Variants in EP300 observed in about 807,000 individuals in gnomAD.
EP300 encodes histone acetyltransferase p300.
In EP300, 31 loss-of-function variants were observed where a neutral mutation model predicts 264.0. That is an observed-to-expected ratio of 0.12 (90% CI 0.09 to 0.16). The LOEUF (loss-of-function observed/expected upper bound fraction) is 0.16, where lower values mean the gene tolerates loss of function less well. Ranked by LOEUF, EP300 falls within the 10% of genes least tolerant of loss-of-function variation. The pLI is 1.00. For synonymous variants in EP300, 1,340 were observed against 1,045.4 expected, an observed-to-expected ratio of 1.28 and a Z score of -5.44; for missense variants, 2,766 against 3,052.9, an observed-to-expected ratio of 0.91 and a Z score of 2.21.
At chr22:41,131,164 C>A (rs373277309) in intron 5 of EP300, among the ~76,000 whole-genome samples, 101 of 152,212 alleles carry the variant, frequency 6.6e-4, no homozygotes, top group Non-Finnish European at 1.1e-3. Context: ...TTTGGGAAGG[C>A]TATTGGGCAT....
chr22:41,102,029 CTT>C (rs5845488), intron 1 of EP300, among the ~76,000 whole-genome samples: 17 of 119,218 alleles, frequency 1.4e-4, no homozygotes, highest in African/African-American at 2.2e-4. Context: ...TTTTTCTTTT[CTT>C]TTTTTTTTTT....
rs150294103 is a variant in EP300 at position 41,151,937 on chromosome 22, G to A, written c.2922G>A (p.Gln974=). 8.1e-6 allele frequency: 13 copies of A among 1,614,130 alleles called. No individual in the cohort carries two copies. Among genetic ancestry groups the A allele is most frequent in the Non-Finnish European group, 1.1e-5 (13 of 1,180,034 alleles). ...SQAIAEKQPS[Q]EVKMEAKMEV... ...CCATTGCTGAGAAGCAGCCTTCCCA[G>A]GAAGTGAAGATGGAGGCCAAAATGG... Residue 974 remains glutamine, a synonymous_variant, in exon 15 of 31, where the codon CAG becomes CAA. Transcript: ENST00000263253.
At chr22:41,158,380 CTG>C in intron 18 of EP300, 30 bp from the exon 19 acceptor site, 1 of 1,600,050 alleles carries the variant, frequency 6.2e-7, no homozygotes, top group South Asian at 1.1e-5. Context: ...CTTAAGGCCT[CTG>C]TGCTTTTTAA....
Position 41,117,284 on chromosome 22 carries a change from T to C in EP300, c.192T>C (p.Leu64=). 2 of 1,614,206 alleles carry C rather than the reference T, an allele frequency of 1.2e-6. No homozygotes were observed. The highest frequency in any genetic ancestry group is 2.2e-5 in the South Asian group (2 of 91,088). The part of the protein sequence containing the change: ...GLTNGGDINQ[L]QTSLGMVQDA... ...CCAATGGTGGTGATATTAATCAGCT[T>C]CAGACAAGTCTTGGCATGGTACAAG... Residue 64 remains leucine, a synonymous_variant, in exon 2 of 31, where the codon CTT becomes CTC. Transcript: ENST00000263253.
chr22:41,093,305 A>T (rs1364397662), intron 1 of EP300, among the ~76,000 whole-genome samples: 2 of 152,122 alleles, frequency 1.3e-5, no homozygotes, highest in Non-Finnish European at 2.9e-5. Context: ...ACACTATGTC[A>T]TATCGGTGTG....
chr22:41,141,890 T>G (rs576590631), intron 10 of EP300, among the ~76,000 whole-genome samples: 1 of 152,268 alleles, frequency 6.6e-6, no homozygotes, highest in South Asian at 2.1e-4. Context: ...TTGGCCTAGC[T>G]GATCTCAAAC....
intron 18 of EP300, 104 bp downstream of exon 18, chr22:41,157,512 CTTTTTTT>C (rs1214250106): frequency 2.5e-5 from 11 of 443,690 alleles, no homozygotes; most frequent in Admixed American, 1.3e-4. Context: ...TTTGACATGG[CTTTTTTT>C]TTTTTTTTTT....
chr22:41,105,539 T>C (rs2058754104), intron 1 of EP300, among the ~76,000 whole-genome samples: 1 of 151,518 alleles, frequency 6.6e-6, no homozygotes, highest in South Asian at 2.1e-4. Flanking sequence ...GCTGGGACTA[T>C]AGGCACATGC....
chr22:41,127,395 T>C, intron 3 of EP300, 92 bp from the exon 4 acceptor site: 1 of 1,553,262 alleles, frequency 6.4e-7, no homozygotes, highest in Non-Finnish European at 8.8e-7. Flanking sequence ...AGACTAACCA[T>C]AAAGGTTTTC....
Position 41,158,506 on chromosome 22 carries a change from C to G in EP300, c.3590+6C>G, listed in dbSNP as rs2145749830. 1 of 1,613,404 alleles carries G rather than the reference C, an allele frequency of 6.2e-7. No individual in the cohort carries two copies. Among genetic ancestry groups the G allele is most frequent in the Non-Finnish European group, 8.5e-7 (1 of 1,179,486 alleles). On this transcript the variant is annotated splice_donor_region_variant and intron_variant, in intron 19 of 30. Coordinates refer to ENST00000263253, the MANE Select transcript of EP300 (RefSeq NM_001429.4). ...TATTACAGTTACCAGAACAGGTAAG[C>G]TTGGCCAGGTGTGGACCATGGTCCA...
rs1465166962 is a variant in EP300, at chr22:41,149,036, A to G, written c.2242-2A>G. The G allele has an allele frequency of 1.3e-6, 2 of 1,598,720 alleles. No individual in the cohort carries two copies. The highest frequency in any genetic ancestry group is 1.7e-6 in the Non-Finnish European group (2 of 1,175,646). ...GTGATTTGTGTTTTTTTTTTTTTTC[A>G]GCCTATGGGCTATGGGCCTCGTATG... On this transcript the variant is annotated splice_acceptor_variant, in intron 12 of 30. Coordinates refer to ENST00000263253, the MANE Select transcript of EP300 (RefSeq NM_001429.4). LOFTEE classifies it high-confidence loss of function.
intron 8 of EP300, among the ~76,000 whole-genome samples, chr22:41,138,713 C>G (rs563488767): frequency 1.3e-5 from 2 of 152,250 alleles, no homozygotes; most frequent in African/African-American, 4.8e-5. Context: ...AGAGTTTACC[C>G]TTCAAACACC....
rs781054865 is a variant in EP300 at position 41,177,404 on chromosome 22, A to G, written c.5693A>G (p.Gln1898Arg). The G allele has an allele frequency of 6.2e-7, 1 of 1,614,110 alleles. No homozygotes were observed. Among genetic ancestry groups the G allele is most frequent in the African/African-American group, 1.3e-5 (1 of 75,018 alleles). ...PRTQAAGPVS[Q>R]GKAAGQVTPP... ...ACTCAAGCTGCTGGCCCTGTGTCCCAGGGTAAGGCAGCAGGCCAGGTGACC... is the reference window on the plus strand; with the variant it reads ...ACTCAAGCTGCTGGCCCTGTGTCCCGGGGTAAGGCAGCAGGCCAGGTGACC... Residue 1898 changes from glutamine to arginine, a missense_variant, in exon 31 of 31, where the codon CAG (glutamine) becomes CGG (arginine). Coordinates refer to ENST00000263253, the MANE Select transcript of EP300 (RefSeq NM_001429.4).
At chr22:41,174,310 C>T (rs1469106045) in intron 29 of EP300, among the ~76,000 whole-genome samples, 1 of 152,086 alleles carries the variant, frequency 6.6e-6, no homozygotes, top group Non-Finnish European at 1.5e-5. Context: ...GTGGCACACA[C>T]CTGTAATCCT....
At position 41,178,228 on chromosome 22, in the gene EP300, A is replaced by G. The variant is rs2059214744; in HGVS notation, c.6517A>G (p.Asn2173Asp). Residue 2173 changes from asparagine to aspartate, a missense_variant, in exon 31 of 31, where the codon AAC (asparagine) becomes GAC (aspartate). Physicochemically the swap from Asn to Asp is conservative, Grantham distance 23. Transcript: ENST00000263253. ...GGCTCAGCAGATGAACATGAACCAC[A>G]ACACCATGCCTTCACAATTCCGAGA... ...PQAQQMNMNH[N>D]TMPSQFRDIL... The G allele has an allele frequency of 1.2e-6, 2 of 1,613,894 alleles. No individual in the cohort carries two copies. Among genetic ancestry groups the G allele is most frequent in the Non-Finnish European group, 1.7e-6 (2 of 1,179,946 alleles).
chr22:41,156,542 G>A (rs1021022756), intron 17 of EP300, among the ~76,000 whole-genome samples: 3 of 152,062 alleles, frequency 2.0e-5, no homozygotes, highest in Non-Finnish European at 4.4e-5. Flanking sequence ...CCAACATGGT[G>A]AAACCCCATC....
At chr22:41,111,339 C>G (rs887513375) in intron 1 of EP300, among the ~76,000 whole-genome samples, 4 of 152,114 alleles carry the variant, frequency 2.6e-5, no homozygotes, top group Admixed American at 6.5e-5. Context: ...CACTTTGATA[C>G]GTTTATATTT....
chr22:41,154,821 C>T (rs543180497), intron 16 of EP300, among the ~76,000 whole-genome samples, 174 bp from the exon 17 acceptor site: 2 of 152,192 alleles, frequency 1.3e-5, no homozygotes, highest in Non-Finnish European at 2.9e-5. Flanking sequence ...TGAAACAAAG[C>T]GGGGCTTAGA....
intron 17 of EP300, 49 bp downstream of exon 17, chr22:41,155,162 C>A: frequency 2.4e-6 from 3 of 1,260,736 alleles, no homozygotes; most frequent in South Asian, 1.2e-5. Flanking sequence ...TTGATAACAG[C>A]TTTATTGAGA....
Sources: allele counts gnomAD v4.1 joint callset (sites outside exome capture counted in the v4.1 genomes callset), GRCh38; gene constraint gnomAD v4.1.1; transcripts MANE v1.5; gene names NCBI Gene and HGNC (gene_info 2026-07-23, HGNC 2026-07-21).